ERCC6L2: variants seen among roughly 807,000 people sequenced by gnomAD.
ERCC6L2 encodes DNA excision repair protein ERCC-6-like 2.
A neutral mutation model predicts 132.0 loss-of-function variants in ERCC6L2; 77 were observed. The ratio of observed to expected loss-of-function variants is 0.58; its 90% CI spans 0.49 to 0.71. The LOEUF (loss-of-function observed/expected upper bound fraction) is 0.71. Among genes scored for constraint, ERCC6L2 ranks in the 30% least tolerant of loss-of-function variants. ERCC6L2 has a pLI of 0.00. For missense variants in ERCC6L2, 1,542 were observed against 1,837.6 expected, an observed-to-expected ratio of 0.84 and a Z score of 2.94; for synonymous variants, 583 against 632.4, an observed-to-expected ratio of 0.92 and a Z score of 1.17.
At chr9:95,924,064 T>C (rs1422739117) in intron 9 of ERCC6L2, among the ~76,000 whole-genome samples, 1 of 152,228 alleles carries the variant, frequency 6.6e-6, no homozygotes, top group African/African-American at 2.4e-5. Flanking sequence ...GTTTAACCCC[T>C]TAGTGTCTAT....
At chr9:95,953,650 T>G (rs1831455128) in intron 12 of ERCC6L2, among the ~76,000 whole-genome samples, 1 of 151,094 alleles carries the variant, frequency 6.6e-6, no homozygotes, top group South Asian at 2.1e-4. Flanking sequence ...TTTAAATTCA[T>G]TTATTAAAAA....
At chr9:95,888,238 T>G (rs1291629711) in intron 2 of ERCC6L2, among the ~76,000 whole-genome samples, 1 of 152,202 alleles carries the variant, frequency 6.6e-6, no homozygotes, top group African/African-American at 2.4e-5. Flanking sequence ...TCTTCTGGTC[T>G]AAGGGAAGGT....
At chr9:95,921,520 G>C (rs982261758) in intron 7 of ERCC6L2, among the ~76,000 whole-genome samples, 3 of 152,126 alleles carry the variant, frequency 2.0e-5, no homozygotes, top group African/African-American at 7.2e-5. Flanking sequence ...TTTTCAAAAA[G>C]TTAATTGCAG....
chr9:95,875,730 T>A lies in ERCC6L2; in HGVS notation c.-309T>A. The A allele has an allele frequency of 2.2e-6, 1 of 457,870 alleles. No homozygotes were observed. The highest frequency in any genetic ancestry group is 3.5e-5 in the South Asian group (1 of 28,210). The allele number at this position is 457,870 out of a possible 1,614,324, so 28.4% of individuals were successfully genotyped here. A position where few individuals can be genotyped will look rare whatever the true frequency, so the allele number is the denominator to read the frequency against. On this transcript the variant is annotated 5_prime_UTR_variant, in exon 1 of 19. Transcript: ENST00000653738. ...TTTGGGGGTCGCCTTGCCGGCCTCC[T>A]GTCCTCCTCCGGCGGCGGCGGAGCC... is the stretch of plus-strand genomic sequence containing the variant.
At chr9:96,018,979 C>T (rs1269719133), downstream of ERCC6L2, among the ~76,000 whole-genome samples, 13 of 152,156 alleles carry the variant, frequency 8.5e-5, no homozygotes, top group Admixed American at 8.5e-4. Flanking sequence ...CTCGCAGTCT[C>T]GTTGAAAGAA....
chr9:95,955,389 TAA>T, intron 12 of ERCC6L2, among the ~76,000 whole-genome samples: 2 of 152,142 alleles, frequency 1.3e-5, no homozygotes, highest in Middle Eastern at 6.8e-3. Context: ...ATACAATTGA[TAA>T]GTTTTGACTT....
intron 19 of ERCC6L2, among the ~76,000 whole-genome samples, chr9:96,026,672 G>C (rs1307260815): frequency 1.5e-4 from 16 of 106,938 alleles, no homozygotes; most frequent in African/African-American, 3.9e-4. Flanking sequence ...ACCACACACA[G>C]CACACCACAC....
chr9:96,038,509 C>T (rs1834544677), intron 19 of ERCC6L2, among the ~76,000 whole-genome samples: 1 of 152,156 alleles, frequency 6.6e-6, no homozygotes, highest in Non-Finnish European at 1.5e-5. Flanking sequence ...GCAGAAGGAG[C>T]CCAGCGGGGC....
intron 17 of ERCC6L2, among the ~76,000 whole-genome samples, chr9:96,002,220 A>T (rs1406982120): frequency 6.6e-6 from 1 of 152,246 alleles, no homozygotes; most frequent in Non-Finnish European, 1.5e-5. Flanking sequence ...GTGGGAGCCC[A>T]GGCAGGGGAG....
intron 16 of ERCC6L2, among the ~76,000 whole-genome samples, chr9:95,975,253 C>T (rs910851184): frequency 1.3e-5 from 2 of 152,106 alleles, no homozygotes; most frequent in African/African-American, 4.8e-5. Flanking sequence ...GTCAGTCTTC[C>T]TCGCATCGTT....
intron 16 of ERCC6L2, among the ~76,000 whole-genome samples, chr9:95,974,285 G>A (rs1832566165): frequency 6.6e-6 from 1 of 152,132 alleles, no homozygotes; most frequent in Non-Finnish European, 1.5e-5. Flanking sequence ...CAGGAAAAAT[G>A]CTAATTGCTT....
At chr9:95,883,129 A>C (rs934376085) in intron 2 of ERCC6L2, among the ~76,000 whole-genome samples, 2 of 152,170 alleles carry the variant, frequency 1.3e-5, no homozygotes, top group African/African-American at 4.8e-5. Flanking sequence ...AAAGAACTGA[A>C]ACTCACCAGA....
At chr9:95,967,139 C>G (rs1469653164) in intron 14 of ERCC6L2, 1 of 152,374 alleles carries the variant, frequency 6.6e-6, no homozygotes. Flanking sequence ...GTTTTCTGTT[C>G]CCAATAAAAA....
At chr9:96,007,979 G>A (rs552872045) in intron 18 of ERCC6L2, among the ~76,000 whole-genome samples, 61 of 152,124 alleles carry the variant, frequency 4.0e-4, no homozygotes, top group Non-Finnish European at 6.6e-4. Flanking sequence ...GAGTGCTGGC[G>A]TGGCTGGTTG....
At chr9:95,903,113 A>G (rs762219720) in intron 3 of ERCC6L2, among the ~76,000 whole-genome samples, 1 of 151,892 alleles carries the variant, frequency 6.6e-6, no homozygotes. Context: ...TTATACCTTT[A>G]TATCTTTGTT....
At chr9:95,944,723 G>A (rs911875547) in intron 12 of ERCC6L2, among the ~76,000 whole-genome samples, 14 of 152,064 alleles carry the variant, frequency 9.2e-5, no homozygotes, top group Admixed American at 1.3e-4. Context: ...GAAATAAAGA[G>A]ACAGTACAAA....
At chr9:96,032,645 C>A (rs1158798648) in intron 19 of ERCC6L2, among the ~76,000 whole-genome samples, 1 of 152,220 alleles carries the variant, frequency 6.6e-6, no homozygotes, top group East Asian at 1.9e-4. Context: ...GAAGCCACCC[C>A]TCACACCTGC....
chr9:95,965,970 G>A (rs1407007726), intron 13 of ERCC6L2, among the ~76,000 whole-genome samples: 4 of 152,152 alleles, frequency 2.6e-5, no homozygotes, highest in African/African-American at 7.2e-5. Flanking sequence ...AAAATATCCA[G>A]CAAATAGTGC....
chr9:95,950,430 G>A (rs1831276379), intron 12 of ERCC6L2, among the ~76,000 whole-genome samples: 1 of 151,998 alleles, frequency 6.6e-6, no homozygotes, highest in African/African-American at 2.4e-5. Context: ...GAATTTAGGG[G>A]CAAAATAGTT....
Sources: allele counts gnomAD v4.1 joint callset (sites outside exome capture counted in the v4.1 genomes callset), GRCh38; gene constraint gnomAD v4.1.1; transcripts MANE v1.5; gene names NCBI Gene and HGNC (gene_info 2026-07-23, HGNC 2026-07-21).